Variants in NAV2 observed in about 807,000 individuals in gnomAD.
The protein encoded by NAV2 is helicase, APC down-regulated 1.
NAV2 carries 54 observed loss-of-function variants against 223.2 expected under a neutral mutation model. That is an observed-to-expected ratio of 0.24 (90% CI 0.19 to 0.30). The LOEUF (loss-of-function observed/expected upper bound fraction) is 0.30. Among genes scored for constraint, NAV2 ranks in the 10% least tolerant of loss-of-function variants. The pLI is 1.00. For synonymous variants in NAV2, 1,279 were observed against 1,239.3 expected, an observed-to-expected ratio of 1.03 and a Z score of -0.67; for missense variants, 2,806 against 3,147.5, an observed-to-expected ratio of 0.89 and a Z score of 2.60.
intron 1 of NAV2, among the ~76,000 whole-genome samples, chr11:19,610,705 G>T (rs1349371669): frequency 6.6e-6 from 1 of 152,032 alleles, no homozygotes; most frequent in Non-Finnish European, 1.5e-5. Context: ...TAAGTAGATG[G>T]ATGGATGGAT....
intron 13 of NAV2, among the ~76,000 whole-genome samples, chr11:20,044,669 CAG>C (rs1220748795): frequency 6.6e-6 from 1 of 152,132 alleles, no homozygotes; most frequent in Non-Finnish European, 1.5e-5. Flanking sequence ...CTTTAATGGA[CAG>C]AGGGTGAAAG....
intron 11 of NAV2, chr11:20,023,140 G>A (rs781046358): frequency 1.0e-4 from 159 of 1,551,470 alleles, no homozygotes; most frequent in Middle Eastern, 1.7e-4. Flanking sequence ...AAGGTAGGAC[G>A]ATTTTCTAAA....
intron 4 of NAV2, among the ~76,000 whole-genome samples, chr11:19,871,425 C>T (rs1171731207): frequency 6.6e-6 from 1 of 152,094 alleles, no homozygotes; most frequent in Admixed American, 6.6e-5. Flanking sequence ...GTGCCAGAGC[C>T]CCCAGGATTG....
At chr11:19,663,579 T>C (rs1441370855) in intron 1 of NAV2, among the ~76,000 whole-genome samples, 2 of 152,216 alleles carry the variant, frequency 1.3e-5, no homozygotes, top group African/African-American at 4.8e-5. Flanking sequence ...TCCATTGTCA[T>C]ATAGCACCCA....
chr11:19,812,681 CAG>C (rs1220549494), intron 1 of NAV2, among the ~76,000 whole-genome samples: 2 of 152,062 alleles, frequency 1.3e-5, no homozygotes, highest in Non-Finnish European at 2.9e-5. Context: ...CTACTTGGAG[CAG>C]TTTCTAGATG....
intron 1 of NAV2, among the ~76,000 whole-genome samples, chr11:19,460,566 G>A (rs1045412399): frequency 3.4e-5 from 5 of 148,854 alleles, no homozygotes; most frequent in Non-Finnish European, 5.9e-5. Context: ...ACCAAACACC[G>A]CATGTTCTCA....
At chr11:20,117,286 G>A (rs1037734993) in intron 37 of NAV2, among the ~76,000 whole-genome samples, 1 of 152,268 alleles carries the variant, frequency 6.6e-6, no homozygotes, top group South Asian at 2.1e-4. Flanking sequence ...GAACACTGTC[G>A]CTAAACTCTT....
intron 6 of NAV2, among the ~76,000 whole-genome samples, chr11:19,929,947 G>A (rs781561653): frequency 3.3e-5 from 5 of 152,186 alleles, no homozygotes; most frequent in Non-Finnish European, 7.3e-5. Flanking sequence ...GAGGGAATTA[G>A]TAGAGTCTAC....
At chr11:19,676,213 G>T (rs1796847219) in intron 1 of NAV2, among the ~76,000 whole-genome samples, 1 of 152,146 alleles carries the variant, frequency 6.6e-6, no homozygotes, top group African/African-American at 2.4e-5. Flanking sequence ...AATATTTTAG[G>T]TTGCAAGATC....
At chr11:19,465,816 C>A (rs1852329964) in intron 1 of NAV2, among the ~76,000 whole-genome samples, 1 of 152,234 alleles carries the variant, frequency 6.6e-6, no homozygotes, top group African/African-American at 2.4e-5. Context: ...AGCGGAGGCA[C>A]AGTTCAAATT....
chr11:20,082,617 T>C, intron 25 of NAV2: 1 of 1,612,814 alleles, frequency 6.2e-7, no homozygotes, highest in Non-Finnish European at 8.5e-7. Context: ...AAGACCAACT[T>C]TAATATCAGA....
At chr11:19,629,073 C>T (rs2047262188) in intron 1 of NAV2, among the ~76,000 whole-genome samples, 1 of 152,092 alleles carries the variant, frequency 6.6e-6, no homozygotes, top group Non-Finnish European at 1.5e-5. Flanking sequence ...AGAAAACAGC[C>T]CTATGTTTCT....
At chr11:19,988,774 C>T (rs1024204942) in intron 11 of NAV2, among the ~76,000 whole-genome samples, 6 of 152,126 alleles carry the variant, frequency 3.9e-5, no homozygotes, top group Non-Finnish European at 7.3e-5. Flanking sequence ...GAGCAGCCTG[C>T]CAAGCTGAGC....
At chr11:19,756,910 C>G (rs2054278140) in intron 1 of NAV2, among the ~76,000 whole-genome samples, 1 of 152,178 alleles carries the variant, frequency 6.6e-6, no homozygotes, top group Non-Finnish European at 1.5e-5. Context: ...ACAGAGAGAG[C>G]TGCCAAGGCC....
chr11:19,740,767 AT>A (rs2052731287), intron 1 of NAV2, among the ~76,000 whole-genome samples: 1 of 152,100 alleles, frequency 6.6e-6, no homozygotes. Flanking sequence ...TGTGACATAT[AT>A]TGTTTTCTCC....
intron 1 of NAV2, among the ~76,000 whole-genome samples, chr11:19,763,253 GTATTT>G (rs2054917203): frequency 6.6e-6 from 1 of 152,206 alleles, no homozygotes; most frequent in African/African-American, 2.4e-5. Context: ...GAGACTGTCT[GTATTT>G]TCTGTTCCAT....
chr11:19,880,714 T>A (rs2063149923), intron 5 of NAV2, among the ~76,000 whole-genome samples: 1 of 152,094 alleles, frequency 6.6e-6, no homozygotes, highest in South Asian at 2.1e-4. Flanking sequence ...AGGGTTGGGG[T>A]CTGGATTTTG....
At chr11:19,592,924 G>A (rs2046102211) in intron 1 of NAV2, among the ~76,000 whole-genome samples, 1 of 152,124 alleles carries the variant, frequency 6.6e-6, no homozygotes, top group Non-Finnish European at 1.5e-5. Context: ...AGAACTGAGA[G>A]GTCCCTTTCA....
intron 1 of NAV2, among the ~76,000 whole-genome samples, chr11:19,768,162 G>A (rs1174508101): frequency 6.6e-6 from 1 of 152,232 alleles, no homozygotes; most frequent in Non-Finnish European, 1.5e-5. Flanking sequence ...CGCACGTTGA[G>A]TGGCTCTCAG....
Sources: gnomAD v4.1 joint callset for allele counts (sites outside exome capture counted in the v4.1 genomes callset) on GRCh38, gnomAD v4.1.1 for gene constraint, MANE v1.5 for transcripts, NCBI Gene and HGNC (gene_info 2026-07-23, HGNC 2026-07-21) for gene names.